The following DGKB variants were observed in gnomAD, a reference collection of about 807,000 sequenced individuals.
The protein encoded by DGKB is 90 kDa diacylglycerol kinase.
A neutral mutation model predicts 114.3 loss-of-function variants in DGKB; 67 were observed. That is an observed-to-expected ratio of 0.59 (90% CI 0.48 to 0.72). DGKB has a LOEUF of 0.72. DGKB is among the 30% of genes least tolerant of loss of function. The pLI, the probability that DGKB is intolerant of heterozygous loss-of-function variation, is 0.00. For synonymous variants in DGKB, 398 were observed against 323.1 expected (o/e 1.23, Z -2.49); for missense variants, 907 against 975.2 (o/e 0.93, Z 0.93).
intron 15 of DGKB, among the ~76,000 whole-genome samples, chr7:14,615,268 T>C (rs1806302678): frequency 6.6e-6 from 1 of 151,948 alleles, no homozygotes; most frequent in African/African-American, 2.4e-5. Context: ...GAGTTTTCCT[T>C]TTCTCCCTAA....
At chr7:14,271,110 T>G (rs934245449) in intron 23 of DGKB, among the ~76,000 whole-genome samples, 1 of 152,294 alleles carries the variant, frequency 6.6e-6, no homozygotes, top group African/African-American at 2.4e-5. Context: ...CAGAAATCGT[T>G]TACAGGGCAA....
chr7:14,153,057 T>C (rs1272957717), intron 25 of DGKB, among the ~76,000 whole-genome samples: 1 of 152,058 alleles, frequency 6.6e-6, no homozygotes, highest in Non-Finnish European at 1.5e-5. Context: ...TCACAGCACA[T>C]AGCAAATAAT....
intron 1 of DGKB, among the ~76,000 whole-genome samples, chr7:14,938,140 G>C (rs1244074174): frequency 6.6e-6 from 1 of 152,176 alleles, no homozygotes; most frequent in Non-Finnish European, 1.5e-5. Context: ...ACACATCTCT[G>C]TGTGTGCCCA....
chr7:14,399,941 A>C (rs1822831415), intron 21 of DGKB, among the ~76,000 whole-genome samples: 1 of 151,900 alleles, frequency 6.6e-6, no homozygotes, highest in Non-Finnish European at 1.5e-5. Flanking sequence ...ATTAACAAGA[A>C]ATTTAGAATA....
chr7:14,558,217 A>G (rs1796148782), intron 20 of DGKB, among the ~76,000 whole-genome samples: 1 of 151,342 alleles, frequency 6.6e-6, no homozygotes, highest in South Asian at 2.1e-4. Flanking sequence ...ACTATATCAT[A>G]ATTACAGCAT....
chr7:14,729,093 A>T (rs191416069), intron 5 of DGKB, among the ~76,000 whole-genome samples: 288 of 141,732 alleles, frequency 2.0e-3, no homozygotes, highest in Middle Eastern at 7.8e-3. Flanking sequence ...GCCTCTCCCC[A>T]CTAGAATGGA....
At chr7:14,821,572 G>T (rs534344170) in intron 2 of DGKB, among the ~76,000 whole-genome samples, 1 of 152,104 alleles carries the variant, frequency 6.6e-6, no homozygotes, top group Non-Finnish European at 1.5e-5. Context: ...AGCAGAATAC[G>T]ACAAGACTAG....
chr7:14,580,333 T>C (rs1027484569), intron 19 of DGKB, among the ~76,000 whole-genome samples: 2 of 152,346 alleles, frequency 1.3e-5, no homozygotes, highest in East Asian at 3.9e-4. Context: ...GTCTCACATA[T>C]GATTTTATGT....
At chr7:14,274,521 T>C (rs967687773) in intron 23 of DGKB, among the ~76,000 whole-genome samples, 3 of 152,154 alleles carry the variant, frequency 2.0e-5, no homozygotes, top group African/African-American at 4.8e-5. Flanking sequence ...ATCAGACTTA[T>C]AGTTTCTCAC....
At chr7:14,294,931 G>C (rs1192857304) in intron 23 of DGKB, among the ~76,000 whole-genome samples, 2 of 152,142 alleles carry the variant, frequency 1.3e-5, no homozygotes, top group Admixed American at 1.3e-4. Flanking sequence ...AGCAGAAAGA[G>C]TGACCTAATG....
intron 21 of DGKB, among the ~76,000 whole-genome samples, chr7:14,465,793 C>G (rs912687858): frequency 2.0e-5 from 3 of 152,110 alleles, no homozygotes; most frequent in African/African-American, 7.2e-5. Context: ...AAGCATGACT[C>G]CGCAATAACA....
intron 23 of DGKB, among the ~76,000 whole-genome samples, chr7:14,284,130 A>G (rs1800433265): frequency 6.6e-6 from 1 of 152,138 alleles, no homozygotes; most frequent in African/African-American, 2.4e-5. Flanking sequence ...CAAAGGGCTA[A>G]TATCCAGAAT....
intron 1 of DGKB, among the ~76,000 whole-genome samples, chr7:14,909,382 C>CT (rs1441514201): frequency 6.6e-6 from 1 of 152,030 alleles, no homozygotes; most frequent in African/African-American, 2.4e-5. Context: ...TTCTTATATG[C>CT]TTTTAATAGC....
intron 23 of DGKB, among the ~76,000 whole-genome samples, chr7:14,327,920 A>G (rs1182432883): frequency 6.6e-6 from 1 of 152,146 alleles, no homozygotes; most frequent in African/African-American, 2.4e-5. Context: ...GCAAGAGACC[A>G]TGGTTAGCTT....
chr7:14,689,215 T>TTTTTTTTTA (rs1822353859), intron 9 of DGKB, among the ~76,000 whole-genome samples: 2 of 136,656 alleles, frequency 1.5e-5, no homozygotes, highest in Non-Finnish European at 3.2e-5. Context: ...TTTTTTTTTT[T>TTTTTTTTTA]TTTTTTTTTG....
At chr7:14,908,630 T>G (rs1238573061) in intron 1 of DGKB, among the ~76,000 whole-genome samples, 1 of 152,098 alleles carries the variant, frequency 6.6e-6, no homozygotes, top group Non-Finnish European at 1.5e-5. Flanking sequence ...TTTGGCTGAG[T>G]TGGGGAGGGC....
At chr7:14,250,681 C>A (rs1182455867) in intron 23 of DGKB, among the ~76,000 whole-genome samples, 1 of 152,080 alleles carries the variant, frequency 6.6e-6, no homozygotes, top group African/African-American at 2.4e-5. Context: ...GTTGTAGAAG[C>A]CCACTGTTTC....
chr7:14,875,562 A>C (rs1187001314), intron 1 of DGKB, among the ~76,000 whole-genome samples: 1 of 152,180 alleles, frequency 6.6e-6, no homozygotes, highest in Non-Finnish European at 1.5e-5. Context: ...GATAACGCAA[A>C]ACTGTTAGGA....
chr7:14,910,093 A>G (rs1783904629), intron 1 of DGKB, among the ~76,000 whole-genome samples: 1 of 151,838 alleles, frequency 6.6e-6, no homozygotes, highest in South Asian at 2.1e-4. Context: ...CTGTAGTCTC[A>G]ACTAATTGGG....
Sources: gnomAD v4.1 joint callset for allele counts (sites outside exome capture counted in the v4.1 genomes callset) on GRCh38, gnomAD v4.1.1 for gene constraint, MANE v1.5 for transcripts, NCBI Gene and HGNC (gene_info 2026-07-23, HGNC 2026-07-21) for gene names.